DDR2: variants seen among roughly 807,000 people sequenced by gnomAD.
The protein encoded by DDR2 is discoidin domain receptor tyrosine kinase 2.
A neutral mutation model predicts 94.9 loss-of-function variants in DDR2; 27 were observed. That is an observed-to-expected ratio of 0.28 (90% CI 0.21 to 0.39). The LOEUF is 0.39. Among genes scored for constraint, DDR2 ranks in the 10% least tolerant of loss-of-function variants. DDR2 has a pLI of 1.00. For synonymous variants in DDR2, 382 were observed against 377.2 expected, an observed-to-expected ratio of 1.01 and a Z score of -0.15; for missense variants, 783 against 1,076.0, an observed-to-expected ratio of 0.73 and a Z score of 3.81.
chr1:162,637,618 G>T (rs545984310), intron 1 of DDR2, among the ~76,000 whole-genome samples: 2 of 152,046 alleles, frequency 1.3e-5, no homozygotes, highest in Non-Finnish European at 2.9e-5. Flanking sequence ...ATTATGAAAA[G>T]AATACATCAT....
chr1:162,685,331 A>G (rs1276947661), intron 2 of DDR2, among the ~76,000 whole-genome samples: 2 of 152,198 alleles, frequency 1.3e-5, no homozygotes, highest in Admixed American at 1.3e-4. Flanking sequence ...CACTGCCTTA[A>G]AATACTATAC....
intron 7 of DDR2, among the ~76,000 whole-genome samples, chr1:162,756,931 C>T (rs1663491971): frequency 6.6e-6 from 1 of 152,178 alleles, no homozygotes; most frequent in Non-Finnish European, 1.5e-5. Context: ...TCAACTGTTA[C>T]TATATACAAG....
At chr1:162,777,286 T>C (rs1289187769) in intron 16 of DDR2, among the ~76,000 whole-genome samples, 7 of 152,182 alleles carry the variant, frequency 4.6e-5, no homozygotes, top group Non-Finnish European at 8.8e-5. Context: ...TATGTACATA[T>C]ATGTAATTTA....
At chr1:162,717,797 T>G (rs1661238539) in intron 2 of DDR2, among the ~76,000 whole-genome samples, 1 of 152,210 alleles carries the variant, frequency 6.6e-6, no homozygotes, top group Non-Finnish European at 1.5e-5. Context: ...ACTATCAATA[T>G]GACTTATCAA....
At chr1:162,736,448 A>C (rs961453977) in intron 3 of DDR2, among the ~76,000 whole-genome samples, 1 of 152,244 alleles carries the variant, frequency 6.6e-6, no homozygotes, top group Non-Finnish European at 1.5e-5. Context: ...TTTAGAGCCA[A>C]GTTCTAAGAT....
At chr1:162,646,396 G>A (rs188011536) in intron 1 of DDR2, among the ~76,000 whole-genome samples, 5 of 152,262 alleles carry the variant, frequency 3.3e-5, no homozygotes, top group Admixed American at 3.3e-4. Context: ...AGTAATGAGT[G>A]TTTATTATGC....
intron 15 of DDR2, 29 bp downstream of exon 15, chr1:162,775,872 C>T (rs1161546524): frequency 1.2e-6 from 2 of 1,612,946 alleles, no homozygotes; most frequent in Non-Finnish European, 1.7e-6. Context: ...CCTTCTCCTC[C>T]CTGTGGTCAT....
intron 2 of DDR2, among the ~76,000 whole-genome samples, chr1:162,666,533 AT>A (rs935412091): frequency 9.9e-5 from 15 of 152,266 alleles, no homozygotes; most frequent in African/African-American, 3.6e-4. Flanking sequence ...AAACCCCTTT[AT>A]CACTGTGGGA....
intron 2 of DDR2, among the ~76,000 whole-genome samples, chr1:162,691,465 A>G (rs1659957752): frequency 6.6e-6 from 1 of 152,208 alleles, no homozygotes; most frequent in African/African-American, 2.4e-5. Flanking sequence ...ATGATTGTTC[A>G]AAGAATTTAT....
At chr1:162,707,799 A>G (rs933694096) in intron 2 of DDR2, among the ~76,000 whole-genome samples, 1 of 152,188 alleles carries the variant, frequency 6.6e-6, no homozygotes, top group African/African-American at 2.4e-5. Context: ...TCAAAAATTG[A>G]TATTTATAAG....
chr1:162,688,682 A>G (rs1260159095), intron 2 of DDR2, among the ~76,000 whole-genome samples: 1 of 152,244 alleles, frequency 6.6e-6, no homozygotes, highest in African/African-American at 2.4e-5. Flanking sequence ...GCCATGACGC[A>G]CGGAGGAGGG....
intron 1 of DDR2, among the ~76,000 whole-genome samples, chr1:162,634,263 T>TA (rs1656705970): frequency 6.6e-6 from 1 of 152,230 alleles, no homozygotes; most frequent in South Asian, 2.1e-4. Context: ...GCCTGGGACT[T>TA]AGAGTCAGAA....
chr1:162,769,143 T>C lies in DDR2; in HGVS notation c.1294-1159T>C, dbSNP rs192228739. Among the ~76,000 whole-genome samples, 9 of 152,364 alleles carry C rather than the reference T, an allele frequency of 5.9e-5. No individual in the cohort carries two copies. The East Asian group carries it at 1.7e-3, about 29-fold the overall frequency. On this transcript the variant is annotated intron_variant, in intron 11 of 17. Coordinates refer to ENST00000367921, the MANE Select transcript of DDR2 (RefSeq NM_006182.4). ...GTCTTTATTCTGAGGCCTGTTGGAA[T>C]ATCTTCATGGGCTAAGAGAGAAATG...
intron 3 of DDR2, among the ~76,000 whole-genome samples, chr1:162,721,773 G>A (rs921499004): frequency 6.6e-6 from 1 of 152,146 alleles, no homozygotes; most frequent in Non-Finnish European, 1.5e-5. Context: ...TAGAACTTAA[G>A]CCAGGAGACC....
At chr1:162,716,425 C>T (rs2102024605) in intron 2 of DDR2, among the ~76,000 whole-genome samples, 1 of 152,310 alleles carries the variant, frequency 6.6e-6, no homozygotes, top group African/African-American at 2.4e-5. Flanking sequence ...TCAACTATAG[C>T]CAAGACCAAT....
chr1:162,750,824 C>G (rs867037873), intron 3 of DDR2, among the ~76,000 whole-genome samples: 2 of 152,156 alleles, frequency 1.3e-5, no homozygotes, highest in Middle Eastern at 3.4e-3. Flanking sequence ...CAGAACACAG[C>G]CCTCAGAAAT....
chr1:162,776,434 G>T, intron 16 of DDR2, 64 bp downstream of exon 16: 1 of 1,516,306 alleles, frequency 6.6e-7, no homozygotes, highest in South Asian at 1.1e-5. Flanking sequence ...TGCATGACAC[G>T]TGGAGACAAA....
Position 162,755,711 on chromosome 1 carries a change from C to T in DDR2, c.613C>T (p.Pro205Ser). The change falls in exon 7 of 18, where the codon CCT becomes TCT. Residue 205 changes from proline (P) to serine (S), a missense_variant. This residue lies in a region of DDR2 where 519 missense variants were observed against 647.9 expected (regional missense o/e 0.80). Transcript: ENST00000367921. Reference sequence around the variant, plus strand: ...TCCAGCTGGGCAGCAGTTTGTACTCCCTGGAGGTTCCATCATTTATCTGAA... The same window carrying T: ...TCCAGCTGGGCAGCAGTTTGTACTCTCTGGAGGTTCCATCATTTATCTGAA... ...NAPAGQQFVL[P>S]GGSIIYLNDS... is the part of the protein sequence containing the mutation. 3 of 1,614,120 alleles carry T rather than the reference C, an allele frequency of 1.9e-6. No homozygotes were observed. The highest frequency in any genetic ancestry group is 1.1e-5 in the South Asian group (1 of 91,086).
intron 3 of DDR2, among the ~76,000 whole-genome samples, chr1:162,742,273 A>G (rs1048978410): frequency 6.6e-6 from 1 of 152,260 alleles, no homozygotes; most frequent in Non-Finnish European, 1.5e-5. Context: ...TTGCATTGTT[A>G]TAAATACATA....
Sources: allele counts gnomAD v4.1 joint callset (sites outside exome capture counted in the v4.1 genomes callset), GRCh38; gene constraint gnomAD v4.1.1; regional missense constraint gnomAD v4.1.1; transcripts MANE v1.5; gene names NCBI Gene and HGNC (gene_info 2026-07-23, HGNC 2026-07-21).